Variants in CDH13 observed in about 807,000 individuals in gnomAD.
CDH13 encodes cadherin 13, also known as cadherin-13.
In CDH13, 24 loss-of-function variants were observed where a neutral mutation model predicts 63.8. The ratio of observed to expected loss-of-function variants is 0.38; its 90% CI spans 0.27 to 0.53. The LOEUF is 0.53. CDH13 is among the 20% of genes least tolerant of loss of function. The pLI is 0.85. For missense variants in CDH13, 1,049 were observed against 903.1 expected (o/e 1.16, Z -2.07); for synonymous variants, 503 against 355.3 (o/e 1.42, Z -4.67).
intron 2 of CDH13, among the ~76,000 whole-genome samples, chr16:83,031,083 A>G (rs1484404936): frequency 6.6e-6 from 1 of 151,418 alleles, no homozygotes; most frequent in Non-Finnish European, 1.5e-5. Context: ...CTGTATACAT[A>G]TATGGTGCAT....
chr16:83,354,415 A>AG (rs1349485584), intron 6 of CDH13, among the ~76,000 whole-genome samples: 1 of 152,164 alleles, frequency 6.6e-6, no homozygotes, highest in Non-Finnish European at 1.5e-5. Flanking sequence ...AGTTTCTATG[A>AG]GTCAGATAAT....
At chr16:82,718,905 G>C (rs928010169) in intron 1 of CDH13, among the ~76,000 whole-genome samples, 7 of 152,196 alleles carry the variant, frequency 4.6e-5, no homozygotes, top group African/African-American at 1.7e-4. Context: ...AGAGTGAAAG[G>C]AGTTGAGATG....
chr16:83,206,356 G>A (rs1386913972), intron 4 of CDH13, among the ~76,000 whole-genome samples: 2 of 152,142 alleles, frequency 1.3e-5, no homozygotes, highest in African/African-American at 4.8e-5. Context: ...AGCTTCTCAT[G>A]CACATCTCAT....
Position 82,906,601 on chromosome 16 carries a change from C to A in CDH13, c.157+48128C>A, listed in dbSNP as rs2058712599. Among the ~76,000 whole-genome samples the A allele has an allele frequency of 2.0e-5, 3 of 152,180 alleles. No homozygotes were observed. The South Asian group carries it at 6.2e-4, about 32-fold the overall frequency. On this transcript the variant is annotated intron_variant, in intron 2 of 13. Coordinates refer to ENST00000567109, the MANE Select transcript of CDH13 (RefSeq NM_001257.5). ...GAAAATGTCTAGTGCACATTAGGCTCTTCTAATAGTTTCCGAGAGCTGGAG... is the reference window on the plus strand; with the variant it reads ...GAAAATGTCTAGTGCACATTAGGCTATTCTAATAGTTTCCGAGAGCTGGAG...
intron 1 of CDH13, among the ~76,000 whole-genome samples, chr16:82,740,512 A>G (rs57645029): frequency 0.11 from 16,108 of 152,234 alleles, 982 homozygotes; most frequent in East Asian, 0.26. Flanking sequence ...ATGCTGCATA[A>G]CAAGCCATGC....
At chr16:82,906,564 G>A (rs2041653486) in intron 2 of CDH13, among the ~76,000 whole-genome samples, 1 of 152,184 alleles carries the variant, frequency 6.6e-6, no homozygotes, top group South Asian at 2.1e-4. Context: ...ATTTTAATGA[G>A]GGGACTCACC....
intron 5 of CDH13, among the ~76,000 whole-genome samples, chr16:83,333,637 T>C (rs1250325527): frequency 2.0e-5 from 3 of 152,210 alleles, no homozygotes; most frequent in East Asian, 1.9e-4. Flanking sequence ...TGTGTACACA[T>C]GCTCATTTAT....
At chr16:83,787,492 G>T (rs1469825898) in intron 13 of CDH13, among the ~76,000 whole-genome samples, 1 of 152,150 alleles carries the variant, frequency 6.6e-6, no homozygotes, top group Non-Finnish European at 1.5e-5. Context: ...ACGGTGCAGT[G>T]GATTCCCTTA....
chr16:83,525,828 C>A (rs748401883), intron 7 of CDH13, among the ~76,000 whole-genome samples: 1 of 152,202 alleles, frequency 6.6e-6, no homozygotes, highest in East Asian at 1.9e-4. Flanking sequence ...AAGAAGAGAA[C>A]GGGACAGATT....
At chr16:83,267,296 C>G (rs916833666) in intron 5 of CDH13, among the ~76,000 whole-genome samples, 1 of 152,170 alleles carries the variant, frequency 6.6e-6, no homozygotes, top group Non-Finnish European at 1.5e-5. Flanking sequence ...GGATTGGGTT[C>G]TCTCCCTCTT....
intron 2 of CDH13, among the ~76,000 whole-genome samples, chr16:83,014,745 T>A (rs796566589): frequency 0.58 from 30,221 of 52,136 alleles, 7,896 homozygotes; most frequent in East Asian, 0.67. Context: ...AAAAAAAAAA[T>A]ATATATATAT....
chr16:83,447,592 G>A (rs1265526429), intron 6 of CDH13, among the ~76,000 whole-genome samples: 1 of 152,022 alleles, frequency 6.6e-6, no homozygotes, highest in Non-Finnish European at 1.5e-5. Flanking sequence ...AGCAAGATGA[G>A]TTTCACACCT....
intron 10 of CDH13, chr16:83,735,760 G>A (rs1396820743): frequency 6.6e-6 from 1 of 152,198 alleles, no homozygotes; most frequent in Non-Finnish European, 1.5e-5. Context: ...GATAACTCAT[G>A]AGGTCTGCTG....
At chr16:83,631,046 C>T (rs528692521) in intron 8 of CDH13, among the ~76,000 whole-genome samples, 11 of 152,258 alleles carry the variant, frequency 7.2e-5, no homozygotes, top group African/African-American at 2.6e-4. Context: ...ACATCTCTGC[C>T]GCAGAACAGC....
In CDH13 at chr16:82,913,727, C is replaced by A. The variant is rs140041517; in HGVS notation, c.157+55254C>A. On this transcript the variant is annotated intron_variant, in intron 2 of 13. Coordinates refer to ENST00000567109, the MANE Select transcript of CDH13 (RefSeq NM_001257.5). ...TTTGTCTGCGTGTGGGTACCCCATG[C>A]GCAGATCCTCAACAGCCGTTCCAAG... Among the ~76,000 whole-genome samples, 34 of 151,786 alleles carry A rather than the reference C, an allele frequency of 2.2e-4. 1 individual carries two copies. The highest frequency in any genetic ancestry group is 6.8e-3 in the Middle Eastern group (2 of 294).
At chr16:83,070,855 G>GCC (rs34273611) in intron 3 of CDH13, among the ~76,000 whole-genome samples, 22 of 121,880 alleles carry the variant, frequency 1.8e-4, no homozygotes, top group East Asian at 5.6e-4. Flanking sequence ...GTAATAAACA[G>GCC]CCCCCCCCCC....
At position 83,779,405 on chromosome 16, in the gene CDH13, T is replaced by TAAAAAAAAAAAAA. The variant is rs1174439191; in HGVS notation, c.1682-563_1682-562insAAAAAAAAAAAAA. On this transcript the variant is annotated intron_variant, in intron 11 of 13. Transcript: ENST00000567109. ...CCGGGCGACAGCGCGAGACTCCATCTCAAAAAAAAAAAAAAAAAAAAAAAA... is the reference window on the plus strand; with the variant it reads ...CCGGGCGACAGCGCGAGACTCCATCTAAAAAAAAAAAAACAAAAAAAAAAAAAAAAAAAAAAAA... Among the ~76,000 whole-genome samples, 55 of 67,796 alleles carry TAAAAAAAAAAAAA rather than the reference T, an allele frequency of 8.1e-4. 17 individuals are homozygous for TAAAAAAAAAAAAA. The highest frequency in any genetic ancestry group is 0.014 in the Middle Eastern group (1 of 74). The allele number at this position is 67,796 out of a possible 152,430, so 44.5% of individuals were successfully genotyped here. A position where few individuals can be genotyped will look rare whatever the true frequency, so the allele number is the denominator to read the frequency against.
intron 3 of CDH13, among the ~76,000 whole-genome samples, chr16:83,038,698 C>T (rs1250870073): frequency 6.6e-6 from 1 of 152,190 alleles, no homozygotes; most frequent in Non-Finnish European, 1.5e-5. Flanking sequence ...TATGTAGTTT[C>T]AAAAGTTTAC....
chr16:83,574,992 C>G (rs1025273445), intron 7 of CDH13, among the ~76,000 whole-genome samples: 1 of 151,912 alleles, frequency 6.6e-6, no homozygotes, highest in Non-Finnish European at 1.5e-5. Context: ...TGGGAACAAC[C>G]CGAACGCCCA....
Sources: allele counts gnomAD v4.1 joint callset (sites outside exome capture counted in the v4.1 genomes callset), GRCh38; gene constraint gnomAD v4.1.1; transcripts MANE v1.5; gene names NCBI Gene and HGNC (gene_info 2026-07-23, HGNC 2026-07-21).